The following CD160 variants were observed in gnomAD, a reference collection of about 807,000 sequenced individuals.
CD160 encodes CD160 molecule, also known as CD160 antigen.
Under a neutral mutation model 19.2 loss-of-function variants are expected in CD160, and 11 were observed. The observed-to-expected ratio is 0.57, with a 90% CI of 0.36 to 0.95. The LOEUF is 0.95. CD160 is among the 40% of genes least tolerant of loss of function. The probability of loss-of-function intolerance (pLI) is 0.01; values close to 1 mark genes in which losing one functional copy is unlikely to be tolerated. For missense variants in CD160, 182 were observed against 213.2 expected, an observed-to-expected ratio of 0.85 and a Z score of 0.91; for synonymous variants, 75 against 81.1, an observed-to-expected ratio of 0.93 and a Z score of 0.40.
rs371403477 is a variant in CD160, at chr1:145,735,477, T to C, written c.401-520T>C. Among the ~76,000 whole-genome samples, 140 of 152,194 alleles carry C rather than the reference T, an allele frequency of 9.2e-4. 4 individuals carry two copies. The South Asian group carries it at 0.028, about 30-fold the overall frequency. On this transcript the variant is annotated intron_variant, in intron 4 of 5. Coordinates refer to ENST00000369288, the MANE Select transcript of CD160 (RefSeq NM_007053.4). ...GGCACATGCCTGTAGTCCCAGCTAC[T>C]AGGGAAGCTGAGGTGGGAGGATCGA...
chr1:145,728,563 G>C (rs1657154048), intron 3 of CD160, among the ~76,000 whole-genome samples, 163 bp downstream of exon 3: 1 of 149,658 alleles, frequency 6.7e-6, no homozygotes, highest in South Asian at 2.1e-4. Flanking sequence ...GAGTGCAGTG[G>C]CGCGATCTCG....
At chr1:145,729,391 A>G (rs959388930) in intron 3 of CD160, among the ~76,000 whole-genome samples, 1 of 152,218 alleles carries the variant, frequency 6.6e-6, no homozygotes, top group Non-Finnish European at 1.5e-5. Context: ...GGGGGCTGGC[A>G]GCCTCAGCAT....
intron 3 of CD160, 54 bp downstream of exon 3, chr1:145,728,454 G>A: frequency 1.7e-6 from 2 of 1,154,246 alleles, no homozygotes; most frequent in Admixed American, 1.7e-5. Flanking sequence ...TGGGCTTGTG[G>A]GAAGGGCTGG....
At chr1:145,728,628 C>T (rs1304380661) in intron 3 of CD160, among the ~76,000 whole-genome samples, 2 of 151,442 alleles carry the variant, frequency 1.3e-5, no homozygotes, top group East Asian at 1.9e-4. Flanking sequence ...CTCAGCTTCC[C>T]GAGTAGCTGG....
intron 4 of CD160, among the ~76,000 whole-genome samples, chr1:145,735,178 A>C (rs1281102398): frequency 1.3e-5 from 2 of 152,196 alleles, no homozygotes; most frequent in Non-Finnish European, 2.9e-5. Context: ...TGGGCCAGGC[A>C]TTGTGCTAAG....
intron 5 of CD160, 74 bp downstream of exon 5, chr1:145,736,208 CAGG>C (rs782264008): frequency 9.3e-6 from 15 of 1,606,122 alleles, no homozygotes; most frequent in African/African-American, 6.7e-5. Context: ...GGTTATTCTC[CAGG>C]AGGAGAAGGT....
At position 145,738,756 on chromosome 1, in the gene CD160, T is replaced by C. The variant is rs1224012862; in HGVS notation, c.*263T>C. The C allele has an allele frequency of 1.5e-4, 49 of 337,108 alleles. No individual in the cohort carries two copies. In the East Asian group the frequency reaches 1.9e-3, roughly 13 times the overall value. 20.9% of individuals were successfully genotyped at this position (337,108 alleles called of 1,614,324 possible). On this transcript the variant is annotated 3_prime_UTR_variant, in exon 6 of 6. Transcript: ENST00000369288. The stretch of plus-strand genomic sequence containing the variant: ...ACAGAACAGCTTTCACCAAAGTGGG[T>C]AGTATAGTCCTCAAATATCGGATAA...
intron 4 of CD160, among the ~76,000 whole-genome samples, chr1:145,731,886 A>T (rs1657309874): frequency 6.6e-6 from 1 of 152,210 alleles, no homozygotes; most frequent in African/African-American, 2.4e-5. Flanking sequence ...ATAAAAAAGT[A>T]CAGCTGGCCC....
At chr1:145,737,477 AAC>A (rs1657543970) in intron 5 of CD160, 1 of 152,172 alleles carries the variant, frequency 6.6e-6, no homozygotes, top group Admixed American at 6.5e-5. Context: ...ATCAAAAGAA[AAC>A]AGAGATTTCA....
chr1:145,738,599 A>G lies in CD160; in HGVS notation c.*106A>G. On this transcript the variant is annotated 3_prime_UTR_variant, in exon 6 of 6. Coordinates refer to ENST00000369288, the MANE Select transcript of CD160 (RefSeq NM_007053.4). ...GGCACAGAGAAGAATGCAACAGGGC[A>G]CAGGGGAAGAGATGCTAAATATACC... 1 of 656,016 alleles carries G rather than the reference A, an allele frequency of 1.5e-6. No homozygotes were observed. The highest frequency in any genetic ancestry group is 3.1e-5 in the East Asian group (1 of 32,694). 40.6% of individuals were successfully genotyped at this position (656,016 alleles called of 1,614,324 possible).
chr1:145,732,415 G>A (rs1657332560), intron 4 of CD160, among the ~76,000 whole-genome samples: 1 of 152,056 alleles, frequency 6.6e-6, no homozygotes, highest in African/African-American at 2.4e-5. Context: ...GGACACAGTG[G>A]CTCATGCCAG....
chr1:145,720,748 C>A (rs1656805535), intron 1 of CD160, among the ~76,000 whole-genome samples: 1 of 152,312 alleles, frequency 6.6e-6, no homozygotes, highest in Admixed American at 6.5e-5. Context: ...TATGTGTCAT[C>A]TAACCGTCAC....
At chr1:145,728,742 G>C (rs1400856969) in intron 3 of CD160, among the ~76,000 whole-genome samples, 1 of 151,984 alleles carries the variant, frequency 6.6e-6, no homozygotes, top group Admixed American at 6.6e-5. Flanking sequence ...CCTGACCTCA[G>C]GTGATCCTCA....
chr1:145,726,646 G>A (rs1231581497), intron 2 of CD160, among the ~76,000 whole-genome samples: 1 of 151,936 alleles, frequency 6.6e-6, no homozygotes, highest in African/African-American at 2.4e-5. Context: ...CAAGTTGATG[G>A]GTGCAGCAAA....
chr1:145,728,634 G>T (rs587716952), intron 3 of CD160, among the ~76,000 whole-genome samples: 2 of 151,104 alleles, frequency 1.3e-5, no homozygotes, highest in South Asian at 4.2e-4. Flanking sequence ...TTCCCGAGTA[G>T]CTGGGACTAC....
intron 1 of CD160, among the ~76,000 whole-genome samples, chr1:145,722,508 CTATT>C (rs1202138965): frequency 7.2e-5 from 11 of 152,160 alleles, no homozygotes; most frequent in Non-Finnish European, 1.3e-4. Context: ...TGAAATATGT[CTATT>C]TATTAAAGGC....
At position 145,738,701 on chromosome 1, in the gene CD160, C is replaced by T. The variant is rs1553710604; in HGVS notation, c.*208C>T. 1 of 382,180 alleles carries T rather than the reference C, an allele frequency of 2.6e-6. No homozygotes were observed. Among genetic ancestry groups the T allele is most frequent in the East Asian group, 3.7e-5 (1 of 26,886 alleles). The allele number at this position is 382,180 out of a possible 1,614,324, so 23.7% of individuals were successfully genotyped here. On this transcript the variant is annotated 3_prime_UTR_variant, in exon 6 of 6. Transcript: ENST00000369288. ...GCTCCTCACCATCAGGGCAAACTTG[C>T]CTTCTTCCCTCCTAAGCTCCAGTAA...
intron 1 of CD160, among the ~76,000 whole-genome samples, chr1:145,722,883 C>T (rs1571671290): frequency 6.6e-6 from 1 of 152,166 alleles, no homozygotes; most frequent in East Asian, 1.9e-4. Flanking sequence ...CGTGAGACAC[C>T]GCGCCCGGCG....
chr1:145,725,283 T>TGGCAGGCGCCTGTAATCCCAGATACTC (rs1384688850), intron 2 of CD160, among the ~76,000 whole-genome samples: 6 of 151,670 alleles, frequency 4.0e-5, no homozygotes, highest in African/African-American at 7.3e-5. Flanking sequence ...CCGAGCGCAG[T>TGGCAGGCGCCTGTAATCCCAGATACTC]GGCAGGCGCC....
Sources: allele counts gnomAD v4.1 joint callset (sites outside exome capture counted in the v4.1 genomes callset), GRCh38; gene constraint gnomAD v4.1.1; transcripts MANE v1.5; gene names NCBI Gene and HGNC (gene_info 2026-07-23, HGNC 2026-07-21).